Variants in PTPRD observed in about 807,000 individuals in gnomAD.
PTPRD encodes protein tyrosine phosphatase receptor type D.
PTPRD carries 34 observed loss-of-function variants against 214.5 expected under a neutral mutation model. The observed-to-expected ratio is 0.16, with a 90% CI of 0.12 to 0.21. The LOEUF (loss-of-function observed/expected upper bound fraction) is 0.21, where lower values mean the gene tolerates loss of function less well. PTPRD is among the 10% of genes least tolerant of loss of function. The pLI is 1.00. For synonymous variants in PTPRD, 1,128 were observed against 845.7 expected, an observed-to-expected ratio of 1.33 and a Z score of -5.79; for missense variants, 2,545 against 2,398.7, an observed-to-expected ratio of 1.06 and a Z score of -1.27.
At chr9:8,972,521 G>A (rs1489482154) in intron 11 of PTPRD, among the ~76,000 whole-genome samples, 1 of 151,764 alleles carries the variant, frequency 6.6e-6, no homozygotes, top group Non-Finnish European at 1.5e-5. Flanking sequence ...GAGAGGGAAG[G>A]AGGGAAGGAA....
chr9:10,466,216 C>A (rs2098992340), intron 2 of PTPRD, among the ~76,000 whole-genome samples: 1 of 152,112 alleles, frequency 6.6e-6, no homozygotes, highest in Non-Finnish European at 1.5e-5. Flanking sequence ...AAAACTGATG[C>A]TCAGGAAGCC....
intron 8 of PTPRD, among the ~76,000 whole-genome samples, chr9:9,408,371 T>C (rs550477612): frequency 5.3e-4 from 80 of 151,940 alleles, no homozygotes; most frequent in African/African-American, 1.8e-3. Flanking sequence ...ACAAGCATTT[T>C]TTCCCAACCC....
chr9:8,585,096 T>TA (rs2093530516), intron 14 of PTPRD, among the ~76,000 whole-genome samples: 1 of 152,110 alleles, frequency 6.6e-6, no homozygotes, highest in African/African-American at 2.4e-5. Context: ...AAACCACTGT[T>TA]AAAGTACTTT....
chr9:9,838,552 C>G (rs551509796), intron 5 of PTPRD, among the ~76,000 whole-genome samples: 1 of 152,082 alleles, frequency 6.6e-6, no homozygotes, highest in Non-Finnish European at 1.5e-5. Context: ...TGTTTTTTGG[C>G]TGCATAAATG....
intron 7 of PTPRD, among the ~76,000 whole-genome samples, chr9:9,677,948 A>C (rs1452805230): frequency 4.6e-5 from 7 of 152,266 alleles, no homozygotes; most frequent in African/African-American, 1.7e-4. Context: ...GAGCCAAATC[A>C]TGAGGGAACT....
intron 9 of PTPRD, among the ~76,000 whole-genome samples, chr9:9,229,520 T>A (rs2133786198): frequency 6.6e-6 from 1 of 152,174 alleles, no homozygotes; most frequent in East Asian, 1.9e-4. Flanking sequence ...CAAGCTTAGA[T>A]CATGTGTCCT....
At chr9:10,231,415 C>T (rs571003927) in intron 3 of PTPRD, among the ~76,000 whole-genome samples, 1 of 151,888 alleles carries the variant, frequency 6.6e-6, no homozygotes, top group Admixed American at 6.6e-5. Context: ...ACCTAAAAAC[C>T]AGTCAAGCTA....
chr9:8,920,119 T>C (rs577212521), intron 11 of PTPRD, among the ~76,000 whole-genome samples: 2 of 152,080 alleles, frequency 1.3e-5, no homozygotes, highest in Admixed American at 1.3e-4. Context: ...GGTGGTCAGA[T>C]TGCCTGAGCT....
At chr9:9,122,103 T>C (rs891907872) in intron 10 of PTPRD, among the ~76,000 whole-genome samples, 5 of 152,178 alleles carry the variant, frequency 3.3e-5, no homozygotes, top group African/African-American at 7.2e-5. Context: ...CCTTGAAAAG[T>C]GATTCATGAT....
chr9:9,336,302 C>T lies in PTPRD; in HGVS notation c.-203+61147G>A, dbSNP rs192435462. 5.2e-4 allele frequency among the ~76,000 whole-genome samples: 79 copies of T among 152,224 alleles called. 1 individual carries two copies. The East Asian group carries it at 0.011, about 22-fold the overall frequency. On this transcript the variant is annotated intron_variant, in intron 9 of 45. Transcript: ENST00000381196. Reference sequence around the variant, plus strand: ...TGGTCATACAGATAAAAGAATGATACACATTCTCAAGGCAGAATCCTTTGC... The same window carrying T: ...TGGTCATACAGATAAAAGAATGATATACATTCTCAAGGCAGAATCCTTTGC...
chr9:8,493,017 T>C (rs1428080116), intron 26 of PTPRD, 38 bp from the exon 27 acceptor site: 2 of 1,514,118 alleles, frequency 1.3e-6, no homozygotes, highest in African/African-American at 1.4e-5. Flanking sequence ...ATTCAAAACA[T>C]GCTACTAATG....
rs186262799 is a variant in PTPRD at position 10,512,873 on chromosome 9, A to C, written c.-600+99525T>G. On this transcript the variant is annotated intron_variant, in intron 2 of 45. Coordinates refer to ENST00000381196, the MANE Select transcript of PTPRD (RefSeq NM_002839.4). The stretch of plus-strand genomic sequence containing the variant: ...ATCTTTTTATTGCACTGGAGTTGAA[A>C]CTGTCCATGTGGTAGAAAGGAAAGA... Among the ~76,000 whole-genome samples the C allele has an allele frequency of 7.7e-3, 1,160 of 151,050 alleles. 7 individuals are homozygous for C. The highest frequency in any genetic ancestry group is 0.01 in the Non-Finnish European group (706 of 67,738).
Position 10,507,278 on chromosome 9 carries a change from C to T in PTPRD, c.-600+105120G>A, listed in dbSNP as rs192739939. 2.0e-4 allele frequency among the ~76,000 whole-genome samples: 30 copies of T among 152,170 alleles called. No homozygotes were observed. In the East Asian group the frequency reaches 4.8e-3, roughly 25 times the overall value. On this transcript the variant is annotated intron_variant, in intron 2 of 45. Coordinates refer to ENST00000381196, the MANE Select transcript of PTPRD (RefSeq NM_002839.4). ...CCTCTTCAATGATAACTACAAACCACTGCTCAATGAAATAAAAGAGGACAC... is the reference window on the plus strand; with the variant it reads ...CCTCTTCAATGATAACTACAAACCATTGCTCAATGAAATAAAAGAGGACAC...
intron 11 of PTPRD, among the ~76,000 whole-genome samples, chr9:8,842,807 G>A (rs1312240831): frequency 6.6e-6 from 1 of 152,178 alleles, no homozygotes; most frequent in Non-Finnish European, 1.5e-5. Context: ...AAAAGAGCAG[G>A]AGGAAAGATG....
At chr9:9,820,351 A>C (rs1035388032) in intron 5 of PTPRD, among the ~76,000 whole-genome samples, 1 of 151,784 alleles carries the variant, frequency 6.6e-6, no homozygotes, top group African/African-American at 2.4e-5. Flanking sequence ...TGGTTGTTCA[A>C]TTGTTTCAGT....
intron 10 of PTPRD, among the ~76,000 whole-genome samples, chr9:9,039,467 G>A (rs1198226161): frequency 6.6e-6 from 1 of 152,026 alleles, no homozygotes; most frequent in Non-Finnish European, 1.5e-5. Context: ...TACAAACTAA[G>A]GCCAGTGGGA....
chr9:10,438,967 C>A (rs540707007), intron 2 of PTPRD, among the ~76,000 whole-genome samples: 1 of 151,754 alleles, frequency 6.6e-6, no homozygotes, highest in South Asian at 2.1e-4. Context: ...TGTATCCACG[C>A]TTTTTGTTGT....
chr9:8,815,966 A>G (rs907368929), intron 11 of PTPRD, among the ~76,000 whole-genome samples: 3 of 152,222 alleles, frequency 2.0e-5, no homozygotes, highest in Admixed American at 1.3e-4. Context: ...GCATTTTTGT[A>G]CACAATTGCT....
chr9:9,365,813 C>G (rs2057729526), intron 9 of PTPRD, among the ~76,000 whole-genome samples: 1 of 151,272 alleles, frequency 6.6e-6, no homozygotes. Context: ...GGCCTCATCT[C>G]CAAATCTATA....
Sources: gnomAD v4.1 joint callset for allele counts (sites outside exome capture counted in the v4.1 genomes callset) on GRCh38, gnomAD v4.1.1 for gene constraint, MANE v1.5 for transcripts, NCBI Gene and HGNC (gene_info 2026-07-23, HGNC 2026-07-21) for gene names.